ANK2: variants seen among roughly 807,000 people sequenced by gnomAD.
ANK2 encodes ankyrin-2.
ANK2 carries 83 observed loss-of-function variants against 360.5 expected under a neutral mutation model. The ratio of observed to expected loss-of-function variants is 0.23; its 90% CI spans 0.19 to 0.28. The LOEUF is 0.28. ANK2 is among the 10% of genes least tolerant of loss of function. The pLI, the probability that ANK2 is intolerant of heterozygous loss-of-function variation, is 1.00. For synonymous variants in ANK2, 1,740 were observed against 1,759.5 expected, an observed-to-expected ratio of 0.99 and a Z score of 0.28; for missense variants, 4,201 against 4,795.7, an observed-to-expected ratio of 0.88 and a Z score of 3.66.
At chr4:112,894,941 A>G (rs554741292) in intron 1 of ANK2, among the ~76,000 whole-genome samples, 25 of 152,318 alleles carry the variant, frequency 1.6e-4, no homozygotes, top group Admixed American at 7.2e-4. Context: ...TATAACTAAT[A>G]AGTGGTAAAA....
chr4:112,842,728 G>A (rs996264815), intron 1 of ANK2, among the ~76,000 whole-genome samples: 7 of 152,184 alleles, frequency 4.6e-5, no homozygotes, highest in African/African-American at 1.7e-4. Context: ...TGTGCGGCCC[G>A]CTTCCTGTTG....
the ANK2 span, among the ~76,000 whole-genome samples, chr4:112,782,932 CG>C: frequency 6.6e-6 from 1 of 151,718 alleles, no homozygotes; most frequent in Non-Finnish European, 1.5e-5. Context: ...CTTTTTGAGA[CG>C]GAGTCTCACT....
intron 45 of ANK2, among the ~76,000 whole-genome samples, chr4:113,381,182 T>C (rs2097160190): frequency 6.6e-6 from 1 of 152,230 alleles, no homozygotes; most frequent in Admixed American, 6.5e-5. Flanking sequence ...AATTAAAGCA[T>C]GGTTTCATTT....
intron 2 of ANK2, among the ~76,000 whole-genome samples, chr4:112,966,125 C>T (rs2037118908): frequency 6.6e-6 from 1 of 151,740 alleles, no homozygotes. Context: ...TAACAATCTG[C>T]ATCAATTAGG....
At chr4:113,208,883 A>G in intron 4 of ANK2, among the ~76,000 whole-genome samples, 1 of 151,928 alleles carries the variant, frequency 6.6e-6, no homozygotes, top group East Asian at 1.9e-4. Context: ...TAAAAGAAAT[A>G]TAAGTGGTTA....
At chr4:112,872,634 G>T (rs1241926012) in intron 1 of ANK2, among the ~76,000 whole-genome samples, 2 of 152,164 alleles carry the variant, frequency 1.3e-5, no homozygotes, top group Non-Finnish European at 2.9e-5. Flanking sequence ...ACCACACCTG[G>T]TGCATCTGTA....
chr4:112,898,205 TTAAA>T (rs753001805), intron 1 of ANK2, among the ~76,000 whole-genome samples: 4 of 152,194 alleles, frequency 2.6e-5, no homozygotes, highest in African/African-American at 4.8e-5. Context: ...TAAATTATTA[TTAAA>T]TAAAGTTATC....
chr4:113,358,591 G>C lies in ANK2; in HGVS notation c.9973G>C (p.Val3325Leu), dbSNP rs2095976430. The C allele has an allele frequency of 6.2e-7, 1 of 1,613,972 alleles. No homozygotes were observed. The highest frequency in any genetic ancestry group is 1.3e-5 in the African/African-American group (1 of 74,928). The change falls in exon 38 of 46, where the codon GTT becomes CTT. Residue 3325 changes from valine to leucine, a missense_variant. By Grantham distance (32) the Val-to-Leu change is conservative. Around this residue, in one of 4 missense-constraint regions of ANK2, gnomAD observed 2,642 missense variants for 2,714.5 expected, o/e 0.97. Transcript: ENST00000357077. ...APPSAEYESS[V>L]SEDFLSSVDE... ...TCCATCTGCAGAGTATGAGAGTTCA[G>C]TTTCTGAAGATTTTCTATCCAGTGT... is the stretch of plus-strand genomic sequence containing the variant.
At chr4:112,902,494 A>G (rs1454603701) in intron 1 of ANK2, among the ~76,000 whole-genome samples, 2 of 152,156 alleles carry the variant, frequency 1.3e-5, no homozygotes, top group African/African-American at 4.8e-5. Context: ...TTGGACTTTA[A>G]TTGGGCCAGG....
At chr4:112,836,180 T>C (rs2060945278) in intron 1 of ANK2, among the ~76,000 whole-genome samples, 1 of 152,112 alleles carries the variant, frequency 6.6e-6, no homozygotes, top group African/African-American at 2.4e-5. Context: ...GTTCTCATGA[T>C]AGTTTGTGAG....
chr4:113,364,947 C>A, intron 40 of ANK2, 92 bp from the exon 41 acceptor site: 2 of 1,483,692 alleles, frequency 1.3e-6, no homozygotes, highest in Non-Finnish European at 1.9e-6. Flanking sequence ...TTTTTCTGTA[C>A]AGATATCAAA....
At chr4:112,789,225 C>T in the ANK2 span, among the ~76,000 whole-genome samples, 2 of 151,912 alleles carry the variant, frequency 1.3e-5, no homozygotes, top group East Asian at 3.9e-4. Flanking sequence ...GGGAAAAATC[C>T]CCAAGTCTTA....
rs72556374 is a variant in ANK2 at position 113,258,304 on chromosome 4, G to A, written c.1288-9G>A. The A allele has an allele frequency of 5.6e-6, 9 of 1,613,568 alleles. No homozygotes were observed. In the Admixed American group the frequency reaches 1.0e-4, roughly 18 times the overall value. On this transcript the variant is annotated splice_polypyrimidine_tract_variant and intron_variant, in intron 12 of 45. Coordinates refer to ENST00000357077, the MANE Select transcript of ANK2 (RefSeq NM_001148.6). ...AGAGGAGTAAAACTGCTGTTGCTTT[G>A]TTTCGCAGTCTGGCCTCACACCAAT...
At chr4:112,806,719 C>T in the ANK2 span, among the ~76,000 whole-genome samples, 1 of 152,014 alleles carries the variant, frequency 6.6e-6, no homozygotes, top group Admixed American at 6.6e-5. Flanking sequence ...GTCCCAGCTA[C>T]TTGGGGAGGC....
chr4:113,278,547 G>A lies in ANK2; in HGVS notation c.1870G>A (p.Ala624Thr). The change falls in exon 17 of 46, where the codon GCC becomes ACC. Residue 624 changes from alanine to threonine, a missense_variant. Coordinates refer to ENST00000357077, the MANE Select transcript of ANK2 (RefSeq NM_001148.6). ...LLLEKGASPH[A>T]TAKNGYTPLH... ...ACTGGAGAAGGGTGCTTCCCCTCATGCCACTGCCAAGGTGAGGACCACAGA... is the reference window on the plus strand; with the variant it reads ...ACTGGAGAAGGGTGCTTCCCCTCATACCACTGCCAAGGTGAGGACCACAGA... The A allele has an allele frequency of 8.1e-6, 13 of 1,613,862 alleles. No homozygotes were observed. The highest frequency in any genetic ancestry group is 3.3e-5 in the South Asian group (3 of 91,070).
At chr4:112,807,902 T>C in the ANK2 span, among the ~76,000 whole-genome samples, 1 of 152,230 alleles carries the variant, frequency 6.6e-6, no homozygotes, top group East Asian at 1.9e-4. Flanking sequence ...CTTTGAAAAA[T>C]AGAATTGGGA....
At chr4:113,027,940 G>A (rs2059622889) in intron 2 of ANK2, among the ~76,000 whole-genome samples, 1 of 151,914 alleles carries the variant, frequency 6.6e-6, no homozygotes, top group African/African-American at 2.4e-5. Flanking sequence ...GTTAAAAATA[G>A]CAAAATAAGA....
At chr4:113,277,680 T>G (rs2060734138) in intron 15 of ANK2, among the ~76,000 whole-genome samples, 157 bp from the exon 16 acceptor site, 1 of 152,270 alleles carries the variant, frequency 6.6e-6, no homozygotes, top group Non-Finnish European at 1.5e-5. Context: ...TGTATTCTTT[T>G]TCTTTGTCCT....
At chr4:113,318,156 G>A (rs564730916) in intron 25 of ANK2, among the ~76,000 whole-genome samples, 22 of 152,278 alleles carry the variant, frequency 1.4e-4, no homozygotes, top group African/African-American at 5.3e-4. Flanking sequence ...TACAGGTTAA[G>A]TTATATCTTT....
Sources: gnomAD v4.1 joint callset for allele counts (sites outside exome capture counted in the v4.1 genomes callset) on GRCh38, gnomAD v4.1.1 for gene constraint, gnomAD v4.1.1 regional missense constraint, MANE v1.5 for transcripts, NCBI Gene and HGNC (gene_info 2026-07-23, HGNC 2026-07-21) for gene names.